Variants in ST3GAL3 observed in about 807,000 individuals in gnomAD.
ST3GAL3 encodes the protein CMP-N-acetylneuraminate-beta-1,4-galactoside alpha-2,3-sialyltransferase.
In ST3GAL3, 21 loss-of-function variants were observed where a neutral mutation model predicts 50.1. The ratio of observed to expected loss-of-function variants is 0.42; its 90% CI spans 0.30 to 0.60. The LOEUF is 0.60. Ranked by LOEUF, ST3GAL3 falls within the 20% of genes least tolerant of loss-of-function variation. ST3GAL3 has a pLI of 0.19. For missense variants in ST3GAL3, 353 were observed against 489.4 expected (o/e 0.72, Z 2.63); for synonymous variants, 183 against 190.0 (o/e 0.96, Z 0.30).
At chr1:43,791,495 T>G (rs2058074903) in intron 2 of ST3GAL3, among the ~76,000 whole-genome samples, 1 of 152,258 alleles carries the variant, frequency 6.6e-6, no homozygotes, top group African/African-American at 2.4e-5. Flanking sequence ...TCCTTTTTTC[T>G]TTGGCTGTTT....
rs190855742 is a variant in ST3GAL3 at position 43,930,044 on chromosome 1, G to C, written c.1039-88G>C. The C allele has an allele frequency of 4.6e-5, 48 of 1,034,106 alleles. No homozygotes were observed. The African/African-American group carries it at 7.1e-4, about 15-fold the overall frequency. 64.1% of individuals were successfully genotyped at this position (1,034,106 alleles called of 1,614,324 possible). A position where few individuals can be genotyped will look rare whatever the true frequency, so the allele number is the denominator to read the frequency against. On this transcript the variant is annotated intron_variant, in intron 11 of 11. Coordinates refer to ENST00000347631, the MANE Select transcript of ST3GAL3 (RefSeq NM_006279.5). ...GTTTCCACAGTCACGGAGTATTGGA[G>C]AGTGGTGACGAAGAAGGCACCGAGC... is the stretch of plus-strand genomic sequence containing the variant.
chr1:43,851,022 G>T (rs1316358405), intron 5 of ST3GAL3: 3 of 843,088 alleles, frequency 3.6e-6, no homozygotes, highest in Admixed American at 1.7e-5. Flanking sequence ...AGGGCACCAC[G>T]CCAGCTGCCA....
chr1:43,868,004 A>G (rs572608468), intron 5 of ST3GAL3, among the ~76,000 whole-genome samples: 2 of 152,370 alleles, frequency 1.3e-5, no homozygotes, highest in Admixed American at 6.5e-5. Flanking sequence ...ACTTCATCCA[A>G]CAATTCCACT....
At chr1:43,808,991 A>G (rs2060228696) in intron 3 of ST3GAL3, among the ~76,000 whole-genome samples, 2 of 152,354 alleles carry the variant, frequency 1.3e-5, no homozygotes, top group South Asian at 2.1e-4. Flanking sequence ...TAAAGGATCA[A>G]ACTGTTTCCA....
chr1:43,725,836 G>C (rs1183487977), intron 1 of ST3GAL3, among the ~76,000 whole-genome samples: 1 of 151,854 alleles, frequency 6.6e-6, no homozygotes, highest in Admixed American at 6.6e-5. Flanking sequence ...TTGTAGAGAC[G>C]GTTTCGCTAT....
At chr1:43,875,950 C>CTTCTTA (rs1376185854) in intron 5 of ST3GAL3, among the ~76,000 whole-genome samples, 10 of 74,042 alleles carry the variant, frequency 1.4e-4, no homozygotes, top group East Asian at 9.5e-4. Context: ...TCTTCTTCTT[C>CTTCTTA]TTATTATTAT....
chr1:43,708,441 C>G (rs938874559), intron 1 of ST3GAL3, among the ~76,000 whole-genome samples: 3 of 152,154 alleles, frequency 2.0e-5, no homozygotes, highest in Non-Finnish European at 4.4e-5. Context: ...AATACTCAAA[C>G]TTTTCAGTGG....
intron 5 of ST3GAL3, among the ~76,000 whole-genome samples, chr1:43,885,738 T>G (rs1480395149): frequency 6.6e-6 from 1 of 152,206 alleles, no homozygotes; most frequent in Non-Finnish European, 1.5e-5. Flanking sequence ...CTGTTGTTTA[T>G]AGGCCCCAGC....
intron 4 of ST3GAL3, among the ~76,000 whole-genome samples, chr1:43,835,519 C>T (rs1458949547): frequency 6.6e-6 from 1 of 152,122 alleles, no homozygotes; most frequent in Non-Finnish European, 1.5e-5. Flanking sequence ...GACTGCCTTC[C>T]ACTGCCATGG....
At chr1:43,902,624 C>T (rs2078478657) in intron 9 of ST3GAL3, among the ~76,000 whole-genome samples, 1 of 152,238 alleles carries the variant, frequency 6.6e-6, no homozygotes, top group Non-Finnish European at 1.5e-5. Flanking sequence ...AGCCAGCAAG[C>T]AGGTGTAGGA....
At chr1:43,878,152 G>A (rs925588244) in intron 5 of ST3GAL3, among the ~76,000 whole-genome samples, 5 of 152,074 alleles carry the variant, frequency 3.3e-5, no homozygotes, top group South Asian at 4.1e-4. Context: ...TCTCGTGGCC[G>A]CATCTCTCCA....
At chr1:43,728,283 G>A (rs1021625893) in intron 1 of ST3GAL3, among the ~76,000 whole-genome samples, 10 of 152,052 alleles carry the variant, frequency 6.6e-5, no homozygotes, top group Non-Finnish European at 1.5e-4. Context: ...AGGTTATCGT[G>A]AGCTGAAATC....
chr1:43,917,594 A>T (rs1443484116), intron 9 of ST3GAL3, among the ~76,000 whole-genome samples: 3 of 38,856 alleles, frequency 7.7e-5, no homozygotes, highest in East Asian at 1.8e-3. Context: ...ATTATATATA[A>T]TATATATATT....
At chr1:43,713,813 C>T (rs909666888) in intron 1 of ST3GAL3, among the ~76,000 whole-genome samples, 6 of 152,184 alleles carry the variant, frequency 3.9e-5, no homozygotes, top group South Asian at 4.1e-4. Context: ...TGGGTTTACA[C>T]GCGTGAGCCA....
intron 5 of ST3GAL3, among the ~76,000 whole-genome samples, chr1:43,888,206 A>C (rs1393943762): frequency 1.3e-5 from 2 of 152,244 alleles, no homozygotes; most frequent in African/African-American, 4.8e-5. Context: ...CCAGAGATTT[A>C]AATGTAAAAC....
chr1:43,769,460 G>C (rs925736902), intron 2 of ST3GAL3, among the ~76,000 whole-genome samples: 1 of 152,164 alleles, frequency 6.6e-6, no homozygotes, highest in African/African-American at 2.4e-5. Context: ...AGCAGGATGG[G>C]GAGGGGAGGG....
chr1:43,721,765 C>T (rs1670598607), intron 1 of ST3GAL3, among the ~76,000 whole-genome samples: 1 of 152,132 alleles, frequency 6.6e-6, no homozygotes, highest in Non-Finnish European at 1.5e-5. Flanking sequence ...CTGCGCCTGA[C>T]TGATTTTGTA....
intron 2 of ST3GAL3, among the ~76,000 whole-genome samples, chr1:43,754,391 C>T (rs573527691): frequency 7.4e-4 from 113 of 152,262 alleles, no homozygotes; most frequent in Non-Finnish European, 1.3e-3. Context: ...GAGGTTTCAC[C>T]GCGTTAGCCA....
intron 4 of ST3GAL3, among the ~76,000 whole-genome samples, chr1:43,815,281 T>C (rs893792274): frequency 1.3e-5 from 2 of 152,156 alleles, no homozygotes; most frequent in Non-Finnish European, 2.9e-5. Flanking sequence ...CTCTCAAAGA[T>C]GCTCTGGCAC....
Sources: allele counts gnomAD v4.1 joint callset (sites outside exome capture counted in the v4.1 genomes callset), GRCh38; gene constraint gnomAD v4.1.1; transcripts MANE v1.5; gene names NCBI Gene and HGNC (gene_info 2026-07-23, HGNC 2026-07-21).